The following CYB5B variants were observed in gnomAD, a reference collection of about 807,000 sequenced individuals.
CYB5B encodes cytochrome b5 type B (outer mitochondrial membrane).
In CYB5B, 14 loss-of-function variants were observed where a neutral mutation model predicts 21.3. The observed-to-expected ratio is 0.66, with a 90% CI of 0.43 to 1.03. The LOEUF is 1.03. Among genes scored for constraint, CYB5B ranks in the 50% least tolerant of loss-of-function variants. The pLI is 0.00. For missense variants in CYB5B, 166 were observed against 185.1 expected (o/e 0.90, Z 0.60); for synonymous variants, 69 against 68.4 (o/e 1.01, Z -0.04).
At chr16:69,462,406 A>AT in intron 4 of CYB5B, 24 bp from the exon 5 acceptor site, 1 of 1,560,840 alleles carries the variant, frequency 6.4e-7, no homozygotes, top group Non-Finnish European at 8.8e-7. Context: ...TAACAACTTT[A>AT]TTGCTTTCTC....
At chr16:69,458,830 TA>T (rs2142827813) in intron 3 of CYB5B, among the ~76,000 whole-genome samples, 1 of 152,298 alleles carries the variant, frequency 6.6e-6, no homozygotes, top group South Asian at 2.1e-4. Flanking sequence ...TTTTAACATC[TA>T]AAAAAGTTTA....
At chr16:69,445,237 A>T (rs1214910272) in intron 1 of CYB5B, among the ~76,000 whole-genome samples, 1 of 152,226 alleles carries the variant, frequency 6.6e-6, no homozygotes. Context: ...ATAACCTGAG[A>T]GTTTCAGATA....
chr16:69,460,988 T>C (rs1164345387), intron 4 of CYB5B, among the ~76,000 whole-genome samples: 2 of 152,118 alleles, frequency 1.3e-5, no homozygotes, highest in Non-Finnish European at 2.9e-5. Context: ...TATGTGAGGA[T>C]TGGTGTCAAC....
chr16:69,428,266 A>G (rs1380697226), intron 1 of CYB5B, among the ~76,000 whole-genome samples: 1 of 152,202 alleles, frequency 6.6e-6, no homozygotes, highest in East Asian at 1.9e-4. Context: ...ATAAACAGCT[A>G]TGCCCTCATG....
At position 69,447,187 on chromosome 16, in the gene CYB5B, G is replaced by T. The variant is rs1287873272; in HGVS notation, c.212G>T (p.Gly71Val). Residue 71 changes from glycine to valine, a missense_variant, in exon 2 of 5, where the codon GGT (glycine) becomes GTT (valine). Physicochemically the swap from Gly to Val is moderately radical, Grantham distance 109. Coordinates refer to ENST00000307892, the MANE Select transcript of CYB5B (RefSeq NM_030579.3). The part of the protein sequence containing the change: ...GGEEVLLEQA[G>V]VDASESFEDV... ...GAAGAGGTTCTGCTGGAACAAGCTG[G>T]TGTAGATGCAAGTGAAAGCTTTGAA... 3 of 1,614,122 alleles carry T rather than the reference G, an allele frequency of 1.9e-6. No individual in the cohort carries two copies. Among genetic ancestry groups the T allele is most frequent in the Non-Finnish European group, 2.5e-6 (3 of 1,179,996 alleles).
chr16:69,429,281 G>A (rs1241688934), intron 1 of CYB5B, among the ~76,000 whole-genome samples: 2 of 152,172 alleles, frequency 1.3e-5, no homozygotes, highest in Non-Finnish European at 2.9e-5. Context: ...TCCACAGTGT[G>A]GAAAGGGACC....
At chr16:69,441,415 A>C (rs573750700) in intron 1 of CYB5B, among the ~76,000 whole-genome samples, 1 of 152,166 alleles carries the variant, frequency 6.6e-6, no homozygotes, top group South Asian at 2.1e-4. Flanking sequence ...CAGCCTCCCA[A>C]AGTGCTGGGA....
chr16:69,445,293 C>T (rs1176901680), intron 1 of CYB5B, among the ~76,000 whole-genome samples: 1 of 152,164 alleles, frequency 6.6e-6, no homozygotes, highest in Non-Finnish European at 1.5e-5. Context: ...TGTAAAATAG[C>T]ATTCTTAAAT....
intron 3 of CYB5B, chr16:69,448,379 G>GA: frequency 1.9e-6 from 1 of 529,468 alleles, no homozygotes; most frequent in East Asian, 3.3e-5. Flanking sequence ...TTTTTTAACT[G>GA]AAACTCCAAA....
intron 4 of CYB5B, among the ~76,000 whole-genome samples, chr16:69,461,140 G>A (rs1461079505): frequency 1.3e-5 from 2 of 151,870 alleles, no homozygotes; most frequent in African/African-American, 4.8e-5. Flanking sequence ...CAGAGGTGGA[G>A]CTTGCAGTGA....
intron 3 of CYB5B, chr16:69,449,610 G>C (rs1379379892): frequency 1.3e-5 from 2 of 152,228 alleles, no homozygotes; most frequent in Admixed American, 1.3e-4. Context: ...TCTTAGGAAT[G>C]TAGAACAATG....
intron 3 of CYB5B, among the ~76,000 whole-genome samples, chr16:69,457,672 G>A (rs534900141): frequency 4.6e-4 from 70 of 152,186 alleles, no homozygotes; most frequent in African/African-American, 1.6e-3. Flanking sequence ...ATCCTTACTA[G>A]ACTAGTTGAA....
In CYB5B at chr16:69,465,222, A is replaced by C. The variant is rs567478975; in HGVS notation, c.*2702A>C. 2 of 157,862 alleles carry C rather than the reference A, an allele frequency of 1.3e-5. No homozygotes were observed. Among genetic ancestry groups the C allele is most frequent in the Admixed American group, 1.3e-4 (2 of 15,372 alleles). 9.8% of individuals were successfully genotyped at this position (157,862 alleles called of 1,614,324 possible). On this transcript the variant is annotated 3_prime_UTR_variant, in exon 5 of 5. Coordinates refer to ENST00000307892, the MANE Select transcript of CYB5B (RefSeq NM_030579.3). ...AGCTGCTGCTGCTGCTGCTGCTGCA[A>C]ACTGTACTGTACACATCATGGCTGC...
At chr16:69,450,745 A>G (rs1399646995) in intron 3 of CYB5B, among the ~76,000 whole-genome samples, 1 of 152,202 alleles carries the variant, frequency 6.6e-6, no homozygotes, top group African/African-American at 2.4e-5. Context: ...CTCTTGGTTC[A>G]TGGTTTCTGA....
intron 1 of CYB5B, among the ~76,000 whole-genome samples, chr16:69,440,433 C>T (rs1214022995): frequency 6.6e-6 from 1 of 152,176 alleles, no homozygotes; most frequent in Non-Finnish European, 1.5e-5. Context: ...ACTTGTATAA[C>T]CACCATCTGG....
intron 1 of CYB5B, among the ~76,000 whole-genome samples, chr16:69,441,412 C>G (rs971060986): frequency 6.6e-6 from 1 of 152,198 alleles, no homozygotes; most frequent in Non-Finnish European, 1.5e-5. Flanking sequence ...CCTCAGCCTC[C>G]CAAAGTGCTG....
intron 4 of CYB5B, chr16:69,459,590 A>G (rs1406353627): frequency 1.3e-5 from 2 of 153,830 alleles, no homozygotes; most frequent in East Asian, 3.8e-4. Context: ...TTTATTTACA[A>G]TATATTCCTT....
At chr16:69,425,474 T>C (rs1482040686) in intron 1 of CYB5B, among the ~76,000 whole-genome samples, 1 of 151,450 alleles carries the variant, frequency 6.6e-6, no homozygotes, top group African/African-American at 2.5e-5. Context: ...CTGTTTTATT[T>C]AATCTTCAAG....
In CYB5B at chr16:69,465,018, C is replaced by G. The variant is rs1352290891; in HGVS notation, c.*2498C>G. ...ACAATAAAGTAGTATAGCACACTAG[C>G]CAAATCCATCCAAAAGGACCTTTTT... On this transcript the variant is annotated 3_prime_UTR_variant, in exon 5 of 5. Coordinates refer to ENST00000307892, the MANE Select transcript of CYB5B (RefSeq NM_030579.3). The G allele has an allele frequency of 6.6e-6, 1 of 152,256 alleles. No individual in the cohort carries two copies. The highest frequency in any genetic ancestry group is 1.5e-5 in the Non-Finnish European group (1 of 68,034). 9.4% of individuals were successfully genotyped at this position (152,256 alleles called of 1,614,324 possible). A position where few individuals can be genotyped will look rare whatever the true frequency, so the allele number is the denominator to read the frequency against.
Sources: allele counts gnomAD v4.1 joint callset (sites outside exome capture counted in the v4.1 genomes callset), GRCh38; gene constraint gnomAD v4.1.1; transcripts MANE v1.5; gene names NCBI Gene and HGNC (gene_info 2026-07-23, HGNC 2026-07-21).